CACNA1B: variants seen among roughly 807,000 people sequenced by gnomAD.
CACNA1B encodes the protein calcium voltage-gated channel subunit alpha1 B, also known as voltage-dependent N-type calcium channel subunit alpha-1B.
Under a neutral mutation model 247.2 loss-of-function variants are expected in CACNA1B, and 70 were observed. That is an observed-to-expected ratio of 0.28 (90% CI 0.23 to 0.35). The LOEUF is 0.35. Among genes scored for constraint, CACNA1B ranks in the 10% least tolerant of loss-of-function variants. CACNA1B has a pLI of 1.00. For synonymous variants in CACNA1B, 1,231 were observed against 1,294.4 expected, an observed-to-expected ratio of 0.95 and a Z score of 1.05; for missense variants, 2,367 against 3,197.4, an observed-to-expected ratio of 0.74 and a Z score of 6.26.
chr9:137,969,651 CAT>C (rs1352211232), intron 10 of CACNA1B, among the ~76,000 whole-genome samples: 2 of 152,182 alleles, frequency 1.3e-5, no homozygotes, highest in East Asian at 1.9e-4. Context: ...GTGTGTGCCT[CAT>C]GTGCACTGAG....
intron 10 of CACNA1B, among the ~76,000 whole-genome samples, chr9:137,958,143 C>T (rs1223885616): frequency 2.0e-5 from 3 of 152,098 alleles, no homozygotes; most frequent in African/African-American, 7.3e-5. Flanking sequence ...GTACAGCAGT[C>T]TGTGAGTGGA....
Position 138,053,896 on chromosome 9 carries a change from G to A in CACNA1B, c.3858G>A (p.Leu1286=). 3 of 1,613,222 alleles carry A rather than the reference G, an allele frequency of 1.9e-6. No individual in the cohort carries two copies. Among genetic ancestry groups the A allele is most frequent in the Non-Finnish European group, 2.5e-6 (3 of 1,179,264 alleles). The part of the protein sequence containing the change: ...VNSLKNVLNI[L]IVYMLFMFIF... Reference sequence around the variant, plus strand: ...CCCTGAAGAATGTCCTCAACATCTTGATTGTCTACATGCTCTTCATGTTCA... The same window carrying A: ...CCCTGAAGAATGTCCTCAACATCTTAATTGTCTACATGCTCTTCATGTTCA... Residue 1286 remains leucine (L), a synonymous_variant, in exon 26 of 47, where the codon TTG becomes TTA. Transcript: ENST00000371372.
At position 138,050,866 on chromosome 9, in the gene CACNA1B, T is replaced by C. The variant is rs1318904391; in HGVS notation, c.3711-1226T>C. 2.0e-5 allele frequency among the ~76,000 whole-genome samples: 3 copies of C among 152,046 alleles called. No homozygotes were observed. Among genetic ancestry groups the C allele is most frequent in the African/African-American group, 7.2e-5 (3 of 41,388 alleles). On this transcript the variant is annotated intron_variant, in intron 24 of 46. Coordinates refer to ENST00000371372, the MANE Select transcript of CACNA1B (RefSeq NM_000718.4). The surrounding 1 kb of genome is among the most constrained non-coding windows in gnomAD (Gnocchi z 5.2). Reference sequence around the variant, plus strand: ...TGGAAGCGTTTCAGGGGGAGTTTGATCTGATTCTGGAGTGTAGCCTACAGT... The same window carrying C: ...TGGAAGCGTTTCAGGGGGAGTTTGACCTGATTCTGGAGTGTAGCCTACAGT...
At position 137,883,413 on chromosome 9, in the gene CACNA1B, C is replaced by T. The variant is rs576483012; in HGVS notation, c.530+530C>T. Among the ~76,000 whole-genome samples, 45 of 152,332 alleles carry T rather than the reference C, an allele frequency of 3.0e-4. No homozygotes were observed. The East Asian group carries it at 7.3e-3, about 25-fold the overall frequency. ...CGAGTGCTTTCACAGTTCCTAGTGC[C>T]AGGAAGGTGCTTCGGCAGTTTCTCC... On this transcript the variant is annotated intron_variant, in intron 3 of 46. Transcript: ENST00000371372.
intron 38 of CACNA1B, among the ~76,000 whole-genome samples, chr9:138,103,719 G>C (rs1023006875): frequency 2.0e-5 from 3 of 152,240 alleles, no homozygotes; most frequent in Admixed American, 2.0e-4. Flanking sequence ...CTGTGGTTCA[G>C]CCAACACGTG....
chr9:138,059,138 A>G lies in CACNA1B; in HGVS notation c.4533A>G (p.Thr1511=). The change falls in exon 30 of 47, where the codon ACA becomes ACG. Residue 1511 remains threonine (T), a synonymous_variant. Transcript: ENST00000371372. The surrounding 1 kb of genome is among the most constrained non-coding windows in gnomAD (Gnocchi z 4.2). The part of the protein sequence containing the change: ...LMLKCLNIVF[T]SMFSMECVLK... ...TGAAATGCCTGAACATCGTGTTCAC[A>G]TCCATGTTCTCCATGGAATGCGTGC... 1.2e-6 allele frequency: 2 copies of G among 1,613,134 alleles called. No individual in the cohort carries two copies. Among genetic ancestry groups the G allele is most frequent in the East Asian group, 2.2e-5 (1 of 44,854 alleles).
At chr9:138,090,098 A>C (rs1437340880) in intron 36 of CACNA1B, among the ~76,000 whole-genome samples, 2 of 152,180 alleles carry the variant, frequency 1.3e-5, no homozygotes, top group African/African-American at 4.8e-5. Flanking sequence ...ATTAATACAG[A>C]ACCACAAAAG....
At chr9:138,068,034 C>A (rs551822499) in intron 31 of CACNA1B, among the ~76,000 whole-genome samples, 1 of 152,186 alleles carries the variant, frequency 6.6e-6, no homozygotes, top group South Asian at 2.1e-4. Context: ...GTGTGTGCAC[C>A]CCTTTCCAGT....
intron 6 of CACNA1B, among the ~76,000 whole-genome samples, chr9:137,935,317 T>G (rs1957653399): frequency 6.6e-6 from 1 of 152,148 alleles, no homozygotes; most frequent in Non-Finnish European, 1.5e-5. Context: ...AGTGTTCTCA[T>G]TGTTCAATTC....
intron 36 of CACNA1B, among the ~76,000 whole-genome samples, chr9:138,088,779 C>G (rs1201874574): frequency 6.6e-6 from 1 of 151,186 alleles, no homozygotes; most frequent in Non-Finnish European, 1.5e-5. Context: ...ATAGTGAAAC[C>G]CCGTCTCTAC....
At chr9:137,893,728 G>A (rs1157217840) in intron 3 of CACNA1B, among the ~76,000 whole-genome samples, 2 of 152,086 alleles carry the variant, frequency 1.3e-5, no homozygotes, top group African/African-American at 4.8e-5. Context: ...TTCATAATAG[G>A]CAGTTGTAAT....
chr9:137,890,489 C>T (rs1957082522), intron 3 of CACNA1B: 1 of 150,306 alleles, frequency 6.7e-6, no homozygotes, highest in African/African-American at 2.4e-5. Flanking sequence ...CTGATATGGG[C>T]CAGGTACTTG....
intron 20 of CACNA1B, among the ~76,000 whole-genome samples, chr9:138,028,023 CTTTTTTTTTTTT>C (rs541594878): frequency 1.1e-4 from 11 of 98,766 alleles, no homozygotes; most frequent in Admixed American, 7.4e-4. Flanking sequence ...CCCCCCCAAC[CTTTTTTTTTTTT>C]TTTTTTTTTT....
chr9:138,029,236 C>T (rs928785347), intron 20 of CACNA1B, among the ~76,000 whole-genome samples: 3 of 152,158 alleles, frequency 2.0e-5, no homozygotes, highest in African/African-American at 4.8e-5. Flanking sequence ...AGGATATTCC[C>T]GTTATTGGTT....
intron 6 of CACNA1B, among the ~76,000 whole-genome samples, chr9:137,943,096 A>T (rs751110862): frequency 3.3e-5 from 5 of 149,782 alleles, no homozygotes; most frequent in African/African-American, 7.5e-5. Flanking sequence ...AAGCCTGCTG[A>T]AATGGTCCCA....
chr9:137,888,251 G>C lies in CACNA1B; in HGVS notation c.530+5368G>C, dbSNP rs376565948. On this transcript the variant is annotated intron_variant, in intron 3 of 46. Coordinates refer to ENST00000371372, the MANE Select transcript of CACNA1B (RefSeq NM_000718.4). This position sits in a 1 kb window ranked among gnomAD's most constrained non-coding sequence, Gnocchi z 4.7. ...CGGGAAGCCCCGTGGTGCCTCCGGA[G>C]TCTGTCACCCATCGGCGCAGGTGCC... Among the ~76,000 whole-genome samples the C allele has an allele frequency of 6.6e-6, 1 of 152,034 alleles. No individual in the cohort carries two copies.
At chr9:137,967,545 TTAAC>T (rs1345090915) in intron 10 of CACNA1B, among the ~76,000 whole-genome samples, 1 of 152,208 alleles carries the variant, frequency 6.6e-6, no homozygotes, top group Non-Finnish European at 1.5e-5. Context: ...CTCCTCCGTT[TTAAC>T]TCTGTCCTGT....
intron 3 of CACNA1B, among the ~76,000 whole-genome samples, chr9:137,902,762 G>A (rs543926604): frequency 1.3e-5 from 2 of 152,158 alleles, no homozygotes; most frequent in Non-Finnish European, 2.9e-5. Flanking sequence ...GCTACTGCGG[G>A]CACCCCCCTC....
intron 25 of CACNA1B, among the ~76,000 whole-genome samples, chr9:138,053,304 A>T (rs772691580): frequency 6.6e-6 from 1 of 152,104 alleles, no homozygotes. Context: ...TGCTGCCTCT[A>T]GCACCTCCTG....
Sources: gnomAD v4.1 joint callset for allele counts (sites outside exome capture counted in the v4.1 genomes callset) on GRCh38, gnomAD v4.1.1 for gene constraint, Gnocchi (gnomAD v3.1) non-coding constraint, MANE v1.5 for transcripts, NCBI Gene and HGNC (gene_info 2026-07-23, HGNC 2026-07-21) for gene names.